The following BPNT1 variants were observed in gnomAD, a reference collection of about 807,000 sequenced individuals.
The protein encoded by BPNT1 is 3'(2'), 5'-bisphosphate nucleotidase 1.
BPNT1 carries 28 observed loss-of-function variants against 36.9 expected under a neutral mutation model. The observed-to-expected ratio is 0.76, with a 90% CI of 0.56 to 1.04. The LOEUF is 1.04. Ranked by LOEUF, BPNT1 falls within the 50% of genes least tolerant of loss-of-function variation. The pLI, the probability that BPNT1 is intolerant of heterozygous loss-of-function variation, is 0.00. For synonymous variants in BPNT1, 119 were observed against 130.9 expected (o/e 0.91, Z 0.62); for missense variants, 313 against 372.9 (o/e 0.84, Z 1.32).
chr1:220,064,790 T>C (rs1663384224), intron 6 of BPNT1, among the ~76,000 whole-genome samples: 1 of 152,098 alleles, frequency 6.6e-6, no homozygotes, highest in Non-Finnish European at 1.5e-5. Context: ...GCTTGGAATC[T>C]AAGGAAGCTA....
chr1:220,072,214 T>A (rs1664125933), intron 4 of BPNT1, among the ~76,000 whole-genome samples: 1 of 151,272 alleles, frequency 6.6e-6, no homozygotes, highest in Non-Finnish European at 1.5e-5. Context: ...TACAAAAAAA[T>A]TAGCTGGGCA....
At position 220,058,531 on chromosome 1, in the gene BPNT1, TTTG is replaced by T. The variant is rs1369634330; in HGVS notation, c.*310_*312del. 13 of 998,224 alleles carry T rather than the reference TTTG, an allele frequency of 1.3e-5. No individual in the cohort carries two copies. The highest frequency in any genetic ancestry group is 1.6e-5 in the Non-Finnish European group (13 of 832,762). The allele number at this position is 998,224 out of a possible 1,614,324, so 61.8% of individuals were successfully genotyped here. On this transcript the variant is annotated 3_prime_UTR_variant, in exon 9 of 9. Coordinates refer to ENST00000322067, the MANE Select transcript of BPNT1 (RefSeq NM_006085.6). Reference sequence around the variant, plus strand: ...TGAAACTTTAAGTACTTTTTGGGTTTTTGTTTTTTTTTTTTCTGAGACAGGGCT... The same window carrying T: ...TGAAACTTTAAGTACTTTTTGGGTTTTTTTTTTTTTTTCTGAGACAGGGCT...
intron 7 of BPNT1, among the ~76,000 whole-genome samples, chr1:220,061,574 AAGT>A (rs1325653815): frequency 6.6e-6 from 1 of 151,852 alleles, no homozygotes; most frequent in Non-Finnish European, 1.5e-5. Context: ...GAAGATACAT[AAGT>A]AGGACCAGAG....
chr1:220,068,050 T>C (rs926542801), intron 5 of BPNT1, among the ~76,000 whole-genome samples: 1 of 152,200 alleles, frequency 6.6e-6, no homozygotes, highest in Admixed American at 6.6e-5. Context: ...ATTATAGCGA[T>C]GTCTCATTCA....
intron 2 of BPNT1, among the ~76,000 whole-genome samples, chr1:220,077,281 T>C (rs1307094943): frequency 6.6e-6 from 1 of 152,178 alleles, no homozygotes; most frequent in Non-Finnish European, 1.5e-5. Flanking sequence ...AATGACAGAC[T>C]ATAAAAAATG....
At chr1:220,078,514 T>C (rs1558096511) in intron 2 of BPNT1, among the ~76,000 whole-genome samples, 2 of 126,406 alleles carry the variant, frequency 1.6e-5, no homozygotes, top group African/African-American at 3.0e-5. Flanking sequence ...TATAATATAA[T>C]TATATATAAT....
intron 6 of BPNT1, among the ~76,000 whole-genome samples, chr1:220,064,830 CAG>C (rs1663388914): frequency 6.6e-6 from 1 of 152,110 alleles, no homozygotes; most frequent in South Asian, 2.1e-4. Flanking sequence ...TTTTTTGAGA[CAG>C]AGTCTTACTG....
At chr1:220,079,116 A>G (rs1446141420) in intron 2 of BPNT1, among the ~76,000 whole-genome samples, 2 of 152,220 alleles carry the variant, frequency 1.3e-5, no homozygotes, top group Non-Finnish European at 2.9e-5. Flanking sequence ...TGTTGAGTTC[A>G]CTAAGGATTG....
intron 1 of BPNT1, among the ~76,000 whole-genome samples, chr1:220,082,083 T>TAGAGAG (rs1239049784): frequency 3.8e-4 from 42 of 110,834 alleles, no homozygotes; most frequent in East Asian, 1.3e-3. Context: ...TATATATATA[T>TAGAGAG]ATAGAGAGAG....
At position 220,058,564 on chromosome 1, in the gene BPNT1, T is replaced by C; in HGVS notation, c.*280A>G. The C allele has an allele frequency of 2.2e-6, 2 of 917,804 alleles. No homozygotes were observed. Among genetic ancestry groups the C allele is most frequent in the Non-Finnish European group, 2.7e-6 (2 of 751,456 alleles). The allele number at this position is 917,804 out of a possible 1,614,324, so 56.9% of individuals were successfully genotyped here. ...TTTTTTTTCTGAGACAGGGCTTAAC[T>C]CCTGTCACTCAGGCTGGAGTGCAGT... On this transcript the variant is annotated 3_prime_UTR_variant, in exon 9 of 9. Transcript: ENST00000322067.
Position 220,057,898 on chromosome 1 carries a change from C to T in BPNT1, c.*946G>A. On this transcript the variant is annotated 3_prime_UTR_variant, in exon 9 of 9. Coordinates refer to ENST00000322067, the MANE Select transcript of BPNT1 (RefSeq NM_006085.6). Reference sequence around the variant, plus strand: ...GTGCCCTAAAGAAATCTGGTTTAGGCCAGGTGCGGTGGCTCACACCTGTAA... The same window carrying T: ...GTGCCCTAAAGAAATCTGGTTTAGGTCAGGTGCGGTGGCTCACACCTGTAA... The T allele has an allele frequency of 1.0e-5, 13 of 1,299,822 alleles. No homozygotes were observed. Among genetic ancestry groups the T allele is most frequent in the Non-Finnish European group, 1.2e-5 (12 of 986,610 alleles). The allele number at this position is 1,299,822 out of a possible 1,614,324, so 80.5% of individuals were successfully genotyped here.
At chr1:220,072,583 G>C (rs1018286479) in intron 4 of BPNT1, among the ~76,000 whole-genome samples, 1 of 152,250 alleles carries the variant, frequency 6.6e-6, no homozygotes, top group South Asian at 2.1e-4. Context: ...CCAGAGTGCT[G>C]GGATTACAGG....
At position 220,059,686 on chromosome 1, in the gene BPNT1, C is replaced by T. The variant is rs755692625; in HGVS notation, c.778G>A (p.Gly260Ser). The T allele has an allele frequency of 1.0e-5, 16 of 1,599,120 alleles. No individual in the cohort carries two copies. Among genetic ancestry groups the T allele is most frequent in the African/African-American group, 6.7e-5 (5 of 74,218 alleles). ...ATTTCCTCAAATAAAACAGACTAAC[C>T]TCCCACAGCATGTAAAATAACTTCT... ...APEVILHAVGGKLTDIHGNVL... is the reference protein window; with the variant it reads ...APEVILHAVGSKLTDIHGNVL... The change falls in exon 8 of 9, where the codon GGC (glycine) becomes AGC (serine). Residue 260 changes from glycine to serine, a missense_variant and splice_region_variant. Transcript: ENST00000322067.
At chr1:220,076,517 A>C (rs1664561126) in intron 2 of BPNT1, among the ~76,000 whole-genome samples, 1 of 147,392 alleles carries the variant, frequency 6.8e-6, no homozygotes, top group Admixed American at 6.8e-5. Flanking sequence ...AAAAAAAAAA[A>C]AGGCAAAAAA....
In BPNT1 at chr1:220,086,679, G is replaced by A. The variant is rs574803113; in HGVS notation, c.-9+3007C>T. Among the ~76,000 whole-genome samples the A allele has an allele frequency of 1.3e-4, 19 of 151,418 alleles. No homozygotes were observed. In the South Asian group the frequency reaches 3.6e-3, roughly 28 times the overall value. On this transcript the variant is annotated intron_variant, in intron 1 of 8. Coordinates refer to ENST00000322067, the MANE Select transcript of BPNT1 (RefSeq NM_006085.6). ...CAACCTCCGCCTCCCGGGTTCAGCC[G>A]ATTCTCCTGCCTCAGCCTCTTGAGT...
intron 2 of BPNT1, among the ~76,000 whole-genome samples, chr1:220,079,498 T>G (rs1484372807): frequency 6.6e-6 from 1 of 152,150 alleles, no homozygotes; most frequent in Non-Finnish European, 1.5e-5. Flanking sequence ...ATCATCCGCC[T>G]GCCTCGGTCT....
chr1:220,078,484 ATAAT>A (rs918268701), intron 2 of BPNT1, among the ~76,000 whole-genome samples: 27 of 142,084 alleles, frequency 1.9e-4, no homozygotes, highest in African/African-American at 6.9e-4. Context: ...ATAATAAATA[ATAAT>A]TTATAATAAA....
At chr1:220,059,097 T>C in intron 8 of BPNT1, 105 bp from the exon 9 acceptor site, 1 of 1,118,092 alleles carries the variant, frequency 8.9e-7, no homozygotes, top group Non-Finnish European at 1.3e-6. Flanking sequence ...TAGTAGCCAA[T>C]AAATTCTGGA....
intron 5 of BPNT1, 93 bp from the exon 6 acceptor site, chr1:220,067,486 A>G (rs1046373696): frequency 6.3e-6 from 5 of 790,932 alleles, no homozygotes; most frequent in Non-Finnish European, 1.0e-5. Flanking sequence ...TTTGCAGTTA[A>G]GGTATGGAAT....
Sources: gnomAD v4.1 joint callset for allele counts (sites outside exome capture counted in the v4.1 genomes callset) on GRCh38, gnomAD v4.1.1 for gene constraint, MANE v1.5 for transcripts, NCBI Gene and HGNC (gene_info 2026-07-23, HGNC 2026-07-21) for gene names.